Variants in GALK2 observed in about 807,000 individuals in gnomAD.
GALK2 encodes N-acetylgalactosamine kinase.
A neutral mutation model predicts 52.4 loss-of-function variants in GALK2; 36 were observed. The observed-to-expected ratio is 0.69, with a 90% CI of 0.53 to 0.91. The LOEUF is 0.91. GALK2 is among the 40% of genes least tolerant of loss of function. The pLI is 0.00. For synonymous variants in GALK2, 176 were observed against 199.1 expected (o/e 0.88, Z 0.98); for missense variants, 579 against 559.1 (o/e 1.04, Z -0.36).
chr15:49,156,084 C>T (rs1310397445), intron 1 of GALK2: 24 of 1,493,448 alleles, frequency 1.6e-5, no homozygotes, highest in Admixed American at 8.4e-5. Flanking sequence ...TCCTAAGATA[C>T]TTGGAGTACT....
chr15:49,259,385 T>G (rs1295916313), intron 5 of GALK2, among the ~76,000 whole-genome samples: 1 of 123,782 alleles, frequency 8.1e-6, no homozygotes, highest in Non-Finnish European at 1.6e-5. Context: ...TTCCCCTTCC[T>G]GTGTCCATGT....
At chr15:49,163,780 A>C (rs2084730072) in intron 1 of GALK2, among the ~76,000 whole-genome samples, 1 of 152,224 alleles carries the variant, frequency 6.6e-6, no homozygotes. Flanking sequence ...GAATTCTCTG[A>C]AATGCAGCAT....
intron 5 of GALK2, among the ~76,000 whole-genome samples, chr15:49,263,530 C>T (rs1394437794): frequency 0.055 from 4,893 of 89,122 alleles, 101 homozygotes; most frequent in Middle Eastern, 0.098. Context: ...TCCAATTTGC[C>T]AGTCTGTGTC....
intron 3 of GALK2, among the ~76,000 whole-genome samples, chr15:49,230,059 A>G (rs2090414469): frequency 6.6e-6 from 1 of 152,124 alleles, no homozygotes; most frequent in Non-Finnish European, 1.5e-5. Flanking sequence ...GGCTCTGACA[A>G]CAGCAGTTAG....
chr15:49,334,218 C>T, downstream of GALK2: 1 of 979,702 alleles, frequency 1.0e-6, no homozygotes, highest in Non-Finnish European at 1.2e-6. Context: ...AGAGACAAAC[C>T]TATCAAGCTC....
chr15:49,304,397 A>T (rs545619821), intron 8 of GALK2, among the ~76,000 whole-genome samples: 16 of 152,212 alleles, frequency 1.1e-4, no homozygotes, highest in Non-Finnish European at 2.1e-4. Context: ...ATCTAACATA[A>T]GTCAGCAAAA....
chr15:49,359,390 A>C (rs1206856658), intron 3 of GALK2, among the ~76,000 whole-genome samples: 1 of 119,726 alleles, frequency 8.4e-6, no homozygotes, highest in African/African-American at 3.2e-5. Flanking sequence ...ACAAATTTAC[A>C]AGAAAAAAAC....
chr15:49,261,322 T>C (rs1396913956), intron 5 of GALK2, among the ~76,000 whole-genome samples: 1 of 145,774 alleles, frequency 6.9e-6, no homozygotes, highest in Non-Finnish European at 1.5e-5. Context: ...TTATTCTCTT[T>C]GAAGCAATTG....
chr15:49,319,052 G>T, intron 8 of GALK2: 1 of 412,880 alleles, frequency 2.4e-6, no homozygotes. Flanking sequence ...CCAGGTTCAA[G>T]CAATTCTCCC....
chr15:49,327,844 A>G, intron 9 of GALK2, 108 bp from the exon 10 acceptor site: 1 of 1,005,454 alleles, frequency 9.9e-7, no homozygotes, highest in Admixed American at 2.7e-5. Context: ...AAAACCCCGC[A>G]TGTATTTTCT....
rs1347140534 is a variant in GALK2, at chr15:49,299,735, T to TTTCTTTTCTTTC, written c.967+7200_967+7201insCTTTTCTTTCTT. ...CTTTCTTTCTTTCTTTCTTTCTTTC[T>TTTCTTTTCTTTC]TTTCTTTCTTTCTTTCTTTCTTTCT... On this transcript the variant is annotated intron_variant, in intron 8 of 9. Transcript: ENST00000560031. 4.2e-3 allele frequency among the ~76,000 whole-genome samples: 329 copies of TTTCTTTTCTTTC among 77,420 alleles called. 2 individuals carry two copies. The highest frequency in any genetic ancestry group is 9.1e-3 in the African/African-American group (164 of 17,972). The allele number at this position is 77,420 out of a possible 152,430, so 50.8% of individuals were successfully genotyped here.
At chr15:49,164,636 C>T (rs2084759081) in intron 1 of GALK2, among the ~76,000 whole-genome samples, 1 of 151,786 alleles carries the variant, frequency 6.6e-6, no homozygotes, top group Admixed American at 6.6e-5. Context: ...CAAAAATTAG[C>T]CGAGCGTGGT....
At chr15:49,194,085 T>G (rs925590104) in intron 1 of GALK2, 13 of 152,134 alleles carry the variant, frequency 8.5e-5, no homozygotes, top group African/African-American at 2.9e-4. Flanking sequence ...CCCAGCACTT[T>G]GGGAGGCCGA....
intron 5 of GALK2, among the ~76,000 whole-genome samples, chr15:49,261,544 T>C (rs2092110070): frequency 6.6e-6 from 1 of 152,192 alleles, no homozygotes; most frequent in African/African-American, 2.4e-5. Flanking sequence ...CTTTTCCTGA[T>C]TGAATACCCT....
intron 5 of GALK2, among the ~76,000 whole-genome samples, chr15:49,266,721 A>G (rs1032774155): frequency 3.9e-5 from 6 of 152,214 alleles, no homozygotes; most frequent in African/African-American, 1.4e-4. Flanking sequence ...TCCTGGATCT[A>G]TGAATGGTGA....
At chr15:49,342,597 T>C (rs1242763382) in intron 3 of GALK2, among the ~76,000 whole-genome samples, 1 of 152,142 alleles carries the variant, frequency 6.6e-6, no homozygotes, top group African/African-American at 2.4e-5. Flanking sequence ...TGCTTTGTAG[T>C]TTCTATTGTG....
Position 49,329,113 on chromosome 15 carries a change from A to G in GALK2, c.*954A>G, listed in dbSNP as rs1203442545. The G allele has an allele frequency of 5.0e-6, 5 of 993,758 alleles. No homozygotes were observed. In the East Asian group the frequency reaches 5.3e-4, roughly 105 times the overall value. 61.6% of individuals were successfully genotyped at this position (993,758 alleles called of 1,614,324 possible). A position where few individuals can be genotyped will look rare whatever the true frequency, so the allele number is the denominator to read the frequency against. ...CCTTATATCCCTTTTTTGCTTGTCT[A>G]GCAAAGCTTGTTTGTATATATGCAC... On this transcript the variant is annotated 3_prime_UTR_variant, in exon 10 of 10. Coordinates refer to ENST00000560031, the MANE Select transcript of GALK2 (RefSeq NM_002044.4).
intron 1 of GALK2, among the ~76,000 whole-genome samples, chr15:49,193,051 G>A (rs2086897081): frequency 6.8e-6 from 1 of 148,038 alleles, no homozygotes; most frequent in Non-Finnish European, 1.5e-5. Flanking sequence ...AGGCTGGAGT[G>A]CAGTGGTACA....
At chr15:49,158,824 T>A (rs1311483546) in intron 1 of GALK2, 1 of 98,616 alleles carries the variant, frequency 1.0e-5, no homozygotes, top group Non-Finnish European at 2.2e-5. Flanking sequence ...CATAGGTCAA[T>A]ATTTGGTTGT....
Sources: allele counts gnomAD v4.1 joint callset (sites outside exome capture counted in the v4.1 genomes callset), GRCh38; gene constraint gnomAD v4.1.1; transcripts MANE v1.5; gene names NCBI Gene and HGNC (gene_info 2026-07-23, HGNC 2026-07-21).